Variants in TLE4 observed in about 807,000 individuals in gnomAD.
TLE4 encodes the protein TLE family member 4, transcriptional corepressor.
Under a neutral mutation model 92.8 loss-of-function variants are expected in TLE4, and 8 were observed. The observed-to-expected ratio is 0.09, with a 90% CI of 0.05 to 0.16. The LOEUF is 0.16. Ranked by LOEUF, TLE4 falls within the 10% of genes least tolerant of loss-of-function variation. The pLI is 1.00. For missense variants in TLE4, 675 were observed against 997.6 expected, an observed-to-expected ratio of 0.68 and a Z score of 4.36; for synonymous variants, 371 against 374.1, an observed-to-expected ratio of 0.99 and a Z score of 0.10.
intron 8 of TLE4, 71 bp from the exon 9 acceptor site, chr9:79,704,712 A>C: frequency 1.3e-6 from 2 of 1,558,838 alleles, no homozygotes; most frequent in South Asian, 2.4e-5. Flanking sequence ...GAAAGTCTCA[A>C]GTGACTTAAA....
At chr9:79,686,118 G>A (rs926172630) in intron 8 of TLE4, among the ~76,000 whole-genome samples, 3 of 152,142 alleles carry the variant, frequency 2.0e-5, no homozygotes, top group Non-Finnish European at 4.4e-5. Context: ...TATACAGGAG[G>A]ATGTGTCTAG....
chr9:79,726,278 T>C lies in TLE4; in HGVS notation c.*1134T>C, dbSNP rs2076368225. The C allele has an allele frequency of 6.6e-6, 1 of 152,376 alleles. No homozygotes were observed. Among genetic ancestry groups the C allele is most frequent in the Non-Finnish European group, 1.5e-5 (1 of 68,046 alleles). 9.4% of individuals were successfully genotyped at this position (152,376 alleles called of 1,614,324 possible). On this transcript the variant is annotated 3_prime_UTR_variant, in exon 20 of 20. Transcript: ENST00000376552. Reference sequence around the variant, plus strand: ...CTGTGCCATTGTGCCAGAAACATTGTGTTATCTTTTATGTTGTTGTTGTTG... The same window carrying C: ...CTGTGCCATTGTGCCAGAAACATTGCGTTATCTTTTATGTTGTTGTTGTTG...
intron 8 of TLE4, among the ~76,000 whole-genome samples, chr9:79,699,632 G>A (rs1014249979): frequency 6.6e-6 from 1 of 152,206 alleles, no homozygotes; most frequent in Admixed American, 6.5e-5. Flanking sequence ...GAGCAAACAA[G>A]CCATAACGAA....
At chr9:79,627,991 T>G (rs2133562565) in intron 6 of TLE4, among the ~76,000 whole-genome samples, 1 of 152,294 alleles carries the variant, frequency 6.6e-6, no homozygotes, top group South Asian at 2.1e-4. Flanking sequence ...TAGAAAATCC[T>G]TCCTGGCAAT....
At chr9:79,680,306 G>T (rs1019049880) in intron 8 of TLE4, among the ~76,000 whole-genome samples, 16 of 151,952 alleles carry the variant, frequency 1.1e-4, no homozygotes, top group South Asian at 4.2e-4. Context: ...GCAGTGGTTT[G>T]TAGTTCTCCT....
rs71364420 is a variant in TLE4, at chr9:79,606,187, GTTTTTTTTTTTTTTTTTTTTTTT to G, written c.253-6453_253-6431del. On this transcript the variant is annotated intron_variant, in intron 4 of 19. Coordinates refer to ENST00000376552, the MANE Select transcript of TLE4 (RefSeq NM_007005.6). ...ATTGCTTTATTAAGCAGTAGTAGTT[GTTTTTTTTTTTTTTTTTTTTTTT>G]TTTTTTTTTTTTTTTAACAAGCACT... Among the ~76,000 whole-genome samples, 171 of 28,720 alleles carry G rather than the reference GTTTTTTTTTTTTTTTTTTTTTTT, an allele frequency of 6.0e-3. 10 individuals are homozygous for G. In the South Asian group the frequency reaches 0.22, roughly 37 times the overall value. The allele number at this position is 28,720 out of a possible 152,430, so 18.8% of individuals were successfully genotyped here. A position where few individuals can be genotyped will look rare whatever the true frequency, so the allele number is the denominator to read the frequency against.
chr9:79,614,143 T>C (rs993490523), intron 5 of TLE4, among the ~76,000 whole-genome samples: 3 of 152,170 alleles, frequency 2.0e-5, no homozygotes, highest in African/African-American at 7.2e-5. Context: ...TTTTTTACTT[T>C]AAGCAGCTCT....
At chr9:79,682,801 T>C (rs1176291886) in intron 8 of TLE4, among the ~76,000 whole-genome samples, 1 of 152,232 alleles carries the variant, frequency 6.6e-6, no homozygotes, top group African/African-American at 2.4e-5. Flanking sequence ...CAGATCACAC[T>C]ATGCCCACAG....
intron 5 of TLE4, among the ~76,000 whole-genome samples, chr9:79,623,243 C>T (rs192407385): frequency 9.9e-5 from 15 of 151,582 alleles, no homozygotes; most frequent in Admixed American, 2.0e-4. Flanking sequence ...CTTTTTATTA[C>T]GGTTTTTTAT....
intron 4 of TLE4, among the ~76,000 whole-genome samples, chr9:79,607,909 T>A (rs1056277829): frequency 6.6e-6 from 1 of 152,082 alleles, no homozygotes; most frequent in South Asian, 2.1e-4. Context: ...ATATGAACTT[T>A]AAAGTAGTTT....
intron 4 of TLE4, among the ~76,000 whole-genome samples, chr9:79,605,575 C>T (rs1180487254): frequency 2.0e-5 from 3 of 152,012 alleles, no homozygotes; most frequent in African/African-American, 4.8e-5. Context: ...AAAGAGGGTG[C>T]TCTTTTTTTT....
At chr9:79,651,105 T>C (rs943930526) in intron 6 of TLE4, among the ~76,000 whole-genome samples, 16 of 151,630 alleles carry the variant, frequency 1.1e-4, no homozygotes, top group African/African-American at 3.9e-4. Flanking sequence ...TGTGAAATTT[T>C]GCTTGGAAAG....
At position 79,572,708 on chromosome 9, in the gene TLE4, T is replaced by TGCCGCG. The variant is rs1026073846; in HGVS notation, c.-77_-72dup. The TGCCGCG allele has an allele frequency of 1.4e-5, 21 of 1,475,334 alleles. No homozygotes were observed. In the African/African-American group the frequency reaches 2.9e-4, roughly 21 times the overall value. The allele number at this position is 1,475,334 out of a possible 1,614,324, so 91.4% of individuals were successfully genotyped here. On this transcript the variant is annotated 5_prime_UTR_variant, in exon 1 of 20. Transcript: ENST00000376552. The stretch of plus-strand genomic sequence containing the variant: ...CTCAGACCGAGCCGGCCGCCTCCGC[T>TGCCGCG]GCCGCGGCCGCCTCCTCTTCGGGGT...
intron 2 of TLE4, chr9:79,574,161 A>T (rs2036916543): frequency 6.3e-6 from 1 of 159,502 alleles, no homozygotes; most frequent in South Asian, 2.0e-4. Flanking sequence ...TTTTTCTGCC[A>T]TTCCACTGAA....
intron 6 of TLE4, among the ~76,000 whole-genome samples, chr9:79,628,218 C>T (rs1413153200): frequency 6.6e-6 from 1 of 152,012 alleles, no homozygotes; most frequent in Non-Finnish European, 1.5e-5. Flanking sequence ...ACAAGCAGTT[C>T]CTTGGGTTAT....
chr9:79,669,345 A>G (rs1251799111), intron 8 of TLE4, among the ~76,000 whole-genome samples: 10 of 152,208 alleles, frequency 6.6e-5, no homozygotes, highest in Admixed American at 3.3e-4. Context: ...TTCTCTGACA[A>G]GTAGAAGATT....
At chr9:79,595,126 A>T (rs1478718103) in intron 4 of TLE4, among the ~76,000 whole-genome samples, 1 of 152,196 alleles carries the variant, frequency 6.6e-6, no homozygotes, top group Non-Finnish European at 1.5e-5. Flanking sequence ...AACTGTAGAC[A>T]CTTGGGTTCT....
chr9:79,641,694 A>G (rs1036009428), intron 6 of TLE4, among the ~76,000 whole-genome samples: 1 of 152,144 alleles, frequency 6.6e-6, no homozygotes, highest in African/African-American at 2.4e-5. Context: ...AGCTGCCTCC[A>G]TTTATTTTTA....
At chr9:79,573,870 C>CT (rs940070696) in intron 2 of TLE4, 84 bp downstream of exon 2, 135 of 1,002,242 alleles carry the variant, frequency 1.3e-4, no homozygotes, top group Non-Finnish European at 1.7e-4. Context: ...TACCCTCCTC[C>CT]TTTTTTGTGG....
Sources: gnomAD v4.1 joint callset for allele counts (sites outside exome capture counted in the v4.1 genomes callset) on GRCh38, gnomAD v4.1.1 for gene constraint, MANE v1.5 for transcripts, NCBI Gene and HGNC (gene_info 2026-07-23, HGNC 2026-07-21) for gene names.